HCN1: variants seen among roughly 807,000 people sequenced by gnomAD.
The protein encoded by HCN1 is hyperpolarization activated cyclic nucleotide gated potassium channel 1.
In HCN1, 13 loss-of-function variants were observed where a neutral mutation model predicts 78.9. The ratio of observed to expected loss-of-function variants is 0.16; its 90% CI spans 0.11 to 0.26. The LOEUF (loss-of-function observed/expected upper bound fraction) is 0.26, where lower values mean the gene tolerates loss of function less well. HCN1 is among the 10% of genes least tolerant of loss of function. The pLI is 1.00. For missense variants in HCN1, 810 were observed against 1,154.3 expected (o/e 0.70, Z 4.32); for synonymous variants, 552 against 455.5 (o/e 1.21, Z -2.70).
intron 5 of HCN1, among the ~76,000 whole-genome samples, chr5:45,349,377 T>C (rs1405273698): frequency 2.0e-5 from 3 of 152,130 alleles, no homozygotes; most frequent in Non-Finnish European, 4.4e-5. Flanking sequence ...CAAAGTAGTG[T>C]GTAGAGGGAA....
intron 6 of HCN1, 30 bp downstream of exon 6, chr5:45,303,569 T>C: frequency 6.2e-6 from 10 of 1,611,316 alleles, no homozygotes; most frequent in Non-Finnish European, 8.5e-6. Flanking sequence ...GCAGTTTAGA[T>C]TTCATCTTAG....
At chr5:45,330,619 A>C (rs1746325689) in intron 5 of HCN1, among the ~76,000 whole-genome samples, 1 of 151,022 alleles carries the variant, frequency 6.6e-6, no homozygotes, top group Non-Finnish European at 1.5e-5. Flanking sequence ...CTCATCAATA[A>C]TTTTTAATAG....
intron 3 of HCN1, among the ~76,000 whole-genome samples, chr5:45,433,332 G>A (rs1368707494): frequency 2.0e-5 from 3 of 151,966 alleles, no homozygotes; most frequent in African/African-American, 7.3e-5. Context: ...AGTTTATGTT[G>A]TTATTATTAT....
chr5:45,506,481 T>C (rs1158817151), intron 2 of HCN1, among the ~76,000 whole-genome samples: 1 of 152,168 alleles, frequency 6.6e-6, no homozygotes, highest in Non-Finnish European at 1.5e-5. Flanking sequence ...ATTCCATGTC[T>C]GTACCTCTGT....
At chr5:45,492,650 C>G (rs1319076557) in intron 2 of HCN1, among the ~76,000 whole-genome samples, 2 of 150,882 alleles carry the variant, frequency 1.3e-5, no homozygotes, top group African/African-American at 4.9e-5. Flanking sequence ...ACAGGCTCGC[C>G]CCATCAAGCC....
intron 2 of HCN1, among the ~76,000 whole-genome samples, chr5:45,519,281 G>A (rs1742571755): frequency 6.6e-6 from 1 of 151,984 alleles, no homozygotes; most frequent in Non-Finnish European, 1.5e-5. Flanking sequence ...TCAAGAAGAT[G>A]ATCAGGTAAC....
chr5:45,633,403 G>A (rs1014637951), intron 2 of HCN1, among the ~76,000 whole-genome samples: 2 of 151,754 alleles, frequency 1.3e-5, no homozygotes, highest in Non-Finnish European at 2.9e-5. Context: ...GTAATCATCT[G>A]GCCAAAACAT....
At chr5:45,507,272 C>T (rs1742326968) in intron 2 of HCN1, among the ~76,000 whole-genome samples, 1 of 152,114 alleles carries the variant, frequency 6.6e-6, no homozygotes. Context: ...CTTCCCTTTC[C>T]ATCTTGCCTA....
chr5:45,421,827 T>C (rs1275242508), intron 3 of HCN1, among the ~76,000 whole-genome samples: 1 of 152,172 alleles, frequency 6.6e-6, no homozygotes, highest in African/African-American at 2.4e-5. Context: ...TTTGTCATCC[T>C]GACTATGTCC....
At chr5:45,563,215 C>T (rs954818316) in intron 2 of HCN1, among the ~76,000 whole-genome samples, 1 of 151,888 alleles carries the variant, frequency 6.6e-6, no homozygotes, top group African/African-American at 2.4e-5. Flanking sequence ...TTTGGGAGGC[C>T]GAGGTGGGTG....
intron 5 of HCN1, among the ~76,000 whole-genome samples, chr5:45,341,260 C>G (rs1473838065): frequency 1.3e-5 from 2 of 152,170 alleles, no homozygotes; most frequent in Admixed American, 1.3e-4. Context: ...AAAATTCAAC[C>G]TGTTTTTGCC....
At chr5:45,463,908 T>C (rs1561164684) in intron 2 of HCN1, among the ~76,000 whole-genome samples, 1 of 152,170 alleles carries the variant, frequency 6.6e-6, no homozygotes, top group East Asian at 1.9e-4. Context: ...ACCAGGAAGC[T>C]TATCACATTT....
At chr5:45,660,592 T>C (rs937861655) in intron 1 of HCN1, among the ~76,000 whole-genome samples, 3 of 151,816 alleles carry the variant, frequency 2.0e-5, no homozygotes, top group African/African-American at 7.3e-5. Flanking sequence ...AGGCTCAAAA[T>C]AAAAGCATGG....
chr5:45,564,305 G>A (rs1743663903), intron 2 of HCN1, among the ~76,000 whole-genome samples: 1 of 150,782 alleles, frequency 6.6e-6, no homozygotes, highest in African/African-American at 2.4e-5. Context: ...CTGTCACCCA[G>A]GTTGGAGTGC....
In HCN1 at chr5:45,430,960, C is replaced by T. The variant is rs774155172; in HGVS notation, c.1011+30886G>A. Among the ~76,000 whole-genome samples, 48 of 152,054 alleles carry T rather than the reference C, an allele frequency of 3.2e-4. 1 individual carries two copies. In the South Asian group the frequency reaches 3.3e-3, roughly 11 times the overall value. On this transcript the variant is annotated intron_variant, in intron 3 of 7. Coordinates refer to ENST00000303230, the MANE Select transcript of HCN1 (RefSeq NM_021072.4). ...GATTTATATTCCTTTGGGTATATAC[C>T]CAATATTAGGATTCCTGGGTCAAAT...
chr5:45,458,613 C>T (rs1741072786), intron 3 of HCN1, among the ~76,000 whole-genome samples: 1 of 152,106 alleles, frequency 6.6e-6, no homozygotes, highest in African/African-American at 2.4e-5. Flanking sequence ...TTTATTACTA[C>T]CTTCCTTAAC....
chr5:45,289,776 G>A (rs546238698), intron 6 of HCN1, among the ~76,000 whole-genome samples: 2 of 152,092 alleles, frequency 1.3e-5, no homozygotes, highest in East Asian at 3.9e-4. Context: ...TAGAGTAGGT[G>A]GTTTATGGAC....
At chr5:45,409,879 A>G (rs764044204) in intron 3 of HCN1, among the ~76,000 whole-genome samples, 2 of 151,490 alleles carry the variant, frequency 1.3e-5, no homozygotes, top group African/African-American at 2.4e-5. Context: ...AGATTACCCA[A>G]CTTTATTCAA....
intron 2 of HCN1, among the ~76,000 whole-genome samples, chr5:45,572,778 C>T (rs1579976624): frequency 6.6e-6 from 1 of 152,108 alleles, no homozygotes; most frequent in African/African-American, 2.4e-5. Flanking sequence ...ATTGAGGATA[C>T]AGCACTGAAC....
Sources: gnomAD v4.1 joint callset for allele counts (sites outside exome capture counted in the v4.1 genomes callset) on GRCh38, gnomAD v4.1.1 for gene constraint, MANE v1.5 for transcripts, NCBI Gene and HGNC (gene_info 2026-07-23, HGNC 2026-07-21) for gene names.